The following KLHL8 variants were observed in gnomAD, a reference collection of about 807,000 sequenced individuals.
KLHL8 encodes kelch-like protein 8.
A neutral mutation model predicts 63.5 loss-of-function variants in KLHL8; 38 were observed. That is an observed-to-expected ratio of 0.60 (90% CI 0.46 to 0.78). The LOEUF (loss-of-function observed/expected upper bound fraction) is 0.78, where lower values mean the gene tolerates loss of function less well. Among genes scored for constraint, KLHL8 ranks in the 30% least tolerant of loss-of-function variants. The pLI is 0.00. For synonymous variants in KLHL8, 224 were observed against 254.3 expected, an observed-to-expected ratio of 0.88 and a Z score of 1.13; for missense variants, 566 against 752.4, an observed-to-expected ratio of 0.75 and a Z score of 2.90.
At chr4:87,198,488 T>C (rs929123829) in intron 1 of KLHL8, among the ~76,000 whole-genome samples, 2 of 152,184 alleles carry the variant, frequency 1.3e-5, no homozygotes, top group Non-Finnish European at 2.9e-5. Flanking sequence ...AGGAATGCTA[T>C]TCAGCAAAAG....
chr4:87,175,987 G>A (rs1452926155), intron 6 of KLHL8, among the ~76,000 whole-genome samples: 1 of 152,094 alleles, frequency 6.6e-6, no homozygotes, highest in East Asian at 1.9e-4. Context: ...TACTATCTCT[G>A]CCATTATTCA....
chr4:87,173,072 A>T (rs1730692089), intron 6 of KLHL8, among the ~76,000 whole-genome samples: 1 of 152,102 alleles, frequency 6.6e-6, no homozygotes, highest in Non-Finnish European at 1.5e-5. Flanking sequence ...ACTACATTGG[A>T]CCACTTTCAT....
At chr4:87,218,530 TAATG>T (rs1174925725) in intron 1 of KLHL8, among the ~76,000 whole-genome samples, 23 of 152,144 alleles carry the variant, frequency 1.5e-4, no homozygotes, top group African/African-American at 4.6e-4. Context: ...ACTTTCTTCT[TAATG>T]AATGAAGAAA....
At chr4:87,200,153 AAAAAAAAG>A (rs1731859632) in intron 1 of KLHL8, among the ~76,000 whole-genome samples, 2 of 151,008 alleles carry the variant, frequency 1.3e-5, no homozygotes, top group African/African-American at 4.9e-5. Flanking sequence ...AAAAAAAAAA[AAAAAAAAG>A]AAAAAAAAAA....
chr4:87,207,289 A>G, intron 1 of KLHL8: 1 of 588,368 alleles, frequency 1.7e-6, no homozygotes. Context: ...GAAGCTTGTC[A>G]TCAGTGGAAA....
At chr4:87,208,260 T>G (rs1291703437) in intron 1 of KLHL8, among the ~76,000 whole-genome samples, 1 of 152,160 alleles carries the variant, frequency 6.6e-6, no homozygotes, top group Non-Finnish European at 1.5e-5. Flanking sequence ...CCTTGTCATG[T>G]ACCATTAATA....
chr4:87,180,587 G>A (rs1731012331), intron 4 of KLHL8, among the ~76,000 whole-genome samples: 1 of 152,122 alleles, frequency 6.6e-6, no homozygotes, highest in Non-Finnish European at 1.5e-5. Flanking sequence ...AATAAGTCCG[G>A]CTGTATTCTG....
rs147867072 is a variant in KLHL8 at position 87,199,145 on chromosome 4, A to G, written c.-151-3455T>C. Among the ~76,000 whole-genome samples the G allele has an allele frequency of 3.1e-4, 47 of 152,348 alleles. 1 individual carries two copies. In the East Asian group the frequency reaches 8.5e-3, roughly 27 times the overall value. Reference sequence around the variant, plus strand: ...CACAAATAGGTTAAAGGAATTGGATAGAAAGAAGACACACCACGCCAACAG... The same window carrying G: ...CACAAATAGGTTAAAGGAATTGGATGGAAAGAAGACACACCACGCCAACAG... On this transcript the variant is annotated intron_variant, in intron 1 of 9. Coordinates refer to ENST00000273963, the MANE Select transcript of KLHL8 (RefSeq NM_020803.5).
chr4:87,218,073 C>T (rs941176267), intron 1 of KLHL8, among the ~76,000 whole-genome samples: 15 of 152,078 alleles, frequency 9.9e-5, no homozygotes, highest in African/African-American at 1.7e-4. Context: ...AATGTAGGTT[C>T]ATCAATTGTA....
At chr4:87,178,042 C>A (rs1038605347) in intron 5 of KLHL8, among the ~76,000 whole-genome samples, 1 of 151,842 alleles carries the variant, frequency 6.6e-6, no homozygotes, top group East Asian at 1.9e-4. Flanking sequence ...TTCATTTATA[C>A]TTTTATAATA....
intron 1 of KLHL8, among the ~76,000 whole-genome samples, chr4:87,200,866 C>T (rs1007991796): frequency 6.6e-6 from 1 of 152,122 alleles, no homozygotes; most frequent in African/African-American, 2.4e-5. Flanking sequence ...TTATTTACAA[C>T]AACCAAGAGG....
rs1208510355 is a variant in KLHL8 at position 87,163,226 on chromosome 4, T to C, written c.*293A>G. The C allele has an allele frequency of 1.4e-5, 3 of 220,896 alleles. No individual in the cohort carries two copies. The Admixed American group carries it at 1.6e-4, about 12-fold the overall frequency. The allele number at this position is 220,896 out of a possible 1,614,324, so 13.7% of individuals were successfully genotyped here. ...ATCCAAATAGAGAGAGAGAGAGAGA[T>C]TTCAAGATTTTTGGCACTACTTTAA... On this transcript the variant is annotated 3_prime_UTR_variant, in exon 10 of 10. Transcript: ENST00000273963.
chr4:87,209,785 A>G (rs180874569), intron 1 of KLHL8, among the ~76,000 whole-genome samples: 1 of 151,736 alleles, frequency 6.6e-6, no homozygotes, highest in Non-Finnish European at 1.5e-5. Context: ...CATACTACAC[A>G]TTAATCAAAA....
Position 87,189,907 on chromosome 4 carries a change from G to A in KLHL8, c.217-4108C>T, listed in dbSNP as rs541141601. ...AAATTAGCCGGGCATGGTGGCACGC[G>A]CCTGTAGTCCCAGCTACTTGGGAGG... On this transcript the variant is annotated intron_variant, in intron 2 of 9. Coordinates refer to ENST00000273963, the MANE Select transcript of KLHL8 (RefSeq NM_020803.5). 1.3e-4 allele frequency among the ~76,000 whole-genome samples: 20 copies of A among 151,470 alleles called. 1 individual carries two copies. The highest frequency in any genetic ancestry group is 5.9e-4 in the Admixed American group (9 of 15,190).
At chr4:87,206,836 C>T (rs920025073) in intron 1 of KLHL8, among the ~76,000 whole-genome samples, 1 of 152,142 alleles carries the variant, frequency 6.6e-6, no homozygotes, top group Admixed American at 6.5e-5. Context: ...TTCTCCAACT[C>T]GTTCACTTTT....
chr4:87,199,296 T>C (rs1731819949), intron 1 of KLHL8, among the ~76,000 whole-genome samples: 3 of 152,050 alleles, frequency 2.0e-5, no homozygotes, highest in African/African-American at 7.2e-5. Context: ...AAGAAAGAAG[T>C]TGGACCCTCA....
At chr4:87,179,947 T>C (rs12646299) in intron 4 of KLHL8, among the ~76,000 whole-genome samples, 23,956 of 152,138 alleles carry the variant, frequency 0.16, 2,272 homozygotes, top group South Asian at 0.24. Context: ...TTGGGATAAG[T>C]CCAAGAATTT....
At chr4:87,167,455 C>G (rs540084346) in intron 8 of KLHL8, 4 of 501,260 alleles carry the variant, frequency 8.0e-6, no homozygotes, top group East Asian at 1.1e-4. Context: ...ACTGTTCTGC[C>G]CCATCAAGCC....
At chr4:87,174,595 A>G (rs1730752073) in intron 6 of KLHL8, among the ~76,000 whole-genome samples, 2 of 152,144 alleles carry the variant, frequency 1.3e-5, no homozygotes, top group Non-Finnish European at 1.5e-5. Flanking sequence ...CAGTTTTATT[A>G]AAAGAAACTC....
Sources: allele counts gnomAD v4.1 joint callset (sites outside exome capture counted in the v4.1 genomes callset), GRCh38; gene constraint gnomAD v4.1.1; transcripts MANE v1.5; gene names NCBI Gene and HGNC (gene_info 2026-07-23, HGNC 2026-07-21).